The following GNG7 variants were observed in gnomAD, a reference collection of about 807,000 sequenced individuals.
GNG7 encodes G protein subunit gamma 7.
A neutral mutation model predicts 4.0 loss-of-function variants in GNG7; 1 was observed. The ratio of observed to expected loss-of-function variants is 0.25; its 90% CI spans 0.09 to 1.18. GNG7 has a LOEUF of 1.18. Ranked by LOEUF, GNG7 falls within the 50% of genes most tolerant of loss-of-function variation. The pLI, the probability that GNG7 is intolerant of heterozygous loss-of-function variation, is 0.50. For missense variants in GNG7, 86 were observed against 91.9 expected (o/e 0.94, Z 0.26); for synonymous variants, 34 against 36.9 (o/e 0.92, Z 0.29).
chr19:2,675,492 T>C (rs1235780421), intron 1 of GNG7, among the ~76,000 whole-genome samples: 2 of 152,038 alleles, frequency 1.3e-5, no homozygotes, highest in Non-Finnish European at 2.9e-5. Flanking sequence ...GGGAGCGTTA[T>C]TTAGCAAACC....
intron 3 of GNG7, 82 bp from the exon 4 acceptor site, chr19:2,520,807 C>A (rs1031812673): frequency 1.9e-5 from 12 of 643,524 alleles, no homozygotes; most frequent in African/African-American, 1.8e-4. Context: ...CTTGGCTCAA[C>A]CTTCCCGACT....
intron 3 of GNG7, among the ~76,000 whole-genome samples, chr19:2,540,302 C>G (rs1415845703): frequency 2.6e-5 from 4 of 151,894 alleles, no homozygotes; most frequent in Non-Finnish European, 4.4e-5. Context: ...AGGCACACAC[C>G]ACCATGCCCC....
In GNG7 at chr19:2,617,758, G is replaced by A. The variant is rs143803683; in HGVS notation, c.-78+28466C>T. Among the ~76,000 whole-genome samples the A allele has an allele frequency of 4.0e-3, 584 of 146,262 alleles. 1 individual carries two copies. The highest frequency in any genetic ancestry group is 6.9e-3 in the Middle Eastern group (2 of 288). Reference sequence around the variant, plus strand: ...TTTTGAGATAGGGTCTTGCTCTGTTGCCCAGGCTGGAGTGCAGTGGTGCAG... The same window carrying A: ...TTTTGAGATAGGGTCTTGCTCTGTTACCCAGGCTGGAGTGCAGTGGTGCAG... On this transcript the variant is annotated intron_variant, in intron 2 of 4. Coordinates refer to ENST00000382159, the MANE Select transcript of GNG7 (RefSeq NM_052847.3). The surrounding 1 kb of genome is among the most constrained non-coding windows in gnomAD (Gnocchi z 4.7).
Position 2,629,072 on chromosome 19 carries a change from G to A in GNG7, c.-78+17152C>T, listed in dbSNP as rs1386274251. 3.3e-5 allele frequency among the ~76,000 whole-genome samples: 5 copies of A among 152,168 alleles called. No individual in the cohort carries two copies. The East Asian group carries it at 7.7e-4, about 23-fold the overall frequency. On this transcript the variant is annotated intron_variant, in intron 2 of 4. Coordinates refer to ENST00000382159, the MANE Select transcript of GNG7 (RefSeq NM_052847.3). Reference sequence around the variant, plus strand: ...ATTGCTGCTGTAGGTGCCATTAGTAGGAAACACACACAAAGTGGCCCCCAA... The same window carrying A: ...ATTGCTGCTGTAGGTGCCATTAGTAAGAAACACACACAAAGTGGCCCCCAA...
intron 3 of GNG7, among the ~76,000 whole-genome samples, chr19:2,541,739 CAA>C (rs60594527): frequency 0.16 from 21,839 of 135,342 alleles, 1,741 homozygotes; most frequent in East Asian, 0.31. Flanking sequence ...AAGACTCCAT[CAA>C]AAAAAAAAAA....
intron 1 of GNG7, among the ~76,000 whole-genome samples, chr19:2,700,496 G>A (rs969693389): frequency 6.6e-6 from 1 of 152,012 alleles, no homozygotes; most frequent in African/African-American, 2.4e-5. Flanking sequence ...TGCTCCTAAG[G>A]TTGCAGGACT....
chr19:2,595,762 A>G (rs924908254), intron 2 of GNG7, among the ~76,000 whole-genome samples: 3 of 151,936 alleles, frequency 2.0e-5, no homozygotes, highest in Non-Finnish European at 4.4e-5. Context: ...AATTAAATTT[A>G]AAAAGGTAAA....
chr19:2,595,767 G>C (rs1346859242), intron 2 of GNG7, among the ~76,000 whole-genome samples: 2 of 151,616 alleles, frequency 1.3e-5, no homozygotes, highest in Non-Finnish European at 2.9e-5. Flanking sequence ...AATTTAAAAA[G>C]GTAAAAAGCA....
At chr19:2,591,203 C>T (rs532945815) in intron 2 of GNG7, among the ~76,000 whole-genome samples, 53 of 152,214 alleles carry the variant, frequency 3.5e-4, no homozygotes, top group Admixed American at 5.2e-4. Flanking sequence ...AGCCGTTCCA[C>T]GCTGGAAGGC....
chr19:2,562,741 C>T lies in GNG7; in HGVS notation c.-77-7553G>A, dbSNP rs1014801387. Among the ~76,000 whole-genome samples, 4 of 152,140 alleles carry T rather than the reference C, an allele frequency of 2.6e-5. No individual in the cohort carries two copies. In the East Asian group the frequency reaches 5.8e-4, roughly 22 times the overall value. Reference sequence around the variant, plus strand: ...CTGGAATCTTAGGGGATTCCACAGACCCCCAAGAGACTCTGCGTCCATAAT... The same window carrying T: ...CTGGAATCTTAGGGGATTCCACAGATCCCCAAGAGACTCTGCGTCCATAAT... On this transcript the variant is annotated intron_variant, in intron 2 of 4. Coordinates refer to ENST00000382159, the MANE Select transcript of GNG7 (RefSeq NM_052847.3).
At chr19:2,536,945 T>A (rs1167362965) in intron 3 of GNG7, among the ~76,000 whole-genome samples, 1 of 149,590 alleles carries the variant, frequency 6.7e-6, no homozygotes, top group East Asian at 1.9e-4. Context: ...TTTTTATTTT[T>A]ATTTTTATTT....
intron 3 of GNG7, among the ~76,000 whole-genome samples, chr19:2,536,820 G>C (rs956766240): frequency 6.6e-6 from 1 of 152,278 alleles, no homozygotes; most frequent in African/African-American, 2.4e-5. Context: ...GGCCACCCTG[G>C]GTTCTCGGGA....
intron 3 of GNG7, among the ~76,000 whole-genome samples, chr19:2,552,549 T>A (rs1442303775): frequency 1.3e-5 from 2 of 151,826 alleles, no homozygotes; most frequent in African/African-American, 4.8e-5. Flanking sequence ...CACGCCTGGC[T>A]AATTTTTGTA....
rs574864908 is a variant in GNG7, at chr19:2,670,882, C to T, written c.-134-24602G>A. Among the ~76,000 whole-genome samples, 66 of 152,216 alleles carry T rather than the reference C, an allele frequency of 4.3e-4. 3 individuals are homozygous for T. Among genetic ancestry groups the T allele is most frequent in the Middle Eastern group, 3.4e-3 (1 of 294 alleles). The stretch of plus-strand genomic sequence containing the variant: ...AAGGACCACCCCTCCCACAAAGAGA[C>T]GGCGTCCCATGATCCTCTGCCCTGC... On this transcript the variant is annotated intron_variant, in intron 1 of 4. Coordinates refer to ENST00000382159, the MANE Select transcript of GNG7 (RefSeq NM_052847.3).
chr19:2,568,872 A>C (rs1471155021), intron 2 of GNG7, among the ~76,000 whole-genome samples: 2 of 152,142 alleles, frequency 1.3e-5, no homozygotes, highest in African/African-American at 4.8e-5. Context: ...ACACAAGTAC[A>C]CACACATACT....
intron 2 of GNG7, among the ~76,000 whole-genome samples, chr19:2,592,973 AG>A (rs1181776998): frequency 7.5e-6 from 1 of 133,564 alleles, no homozygotes; most frequent in East Asian, 2.5e-4. Flanking sequence ...AAAGGGAGGG[AG>A]GGAGAGAGGG....
intron 2 of GNG7, among the ~76,000 whole-genome samples, chr19:2,582,301 CTG>C (rs1343762040): frequency 2.0e-5 from 3 of 152,124 alleles, no homozygotes; most frequent in Non-Finnish European, 4.4e-5. Context: ...AGGGAACACT[CTG>C]TACTATTTTT....
chr19:2,576,392 G>C (rs1015494093), intron 2 of GNG7, among the ~76,000 whole-genome samples: 1 of 152,200 alleles, frequency 6.6e-6, no homozygotes, highest in African/African-American at 2.4e-5. Context: ...AGAGTTCACC[G>C]TGGTCCCTGG....
At chr19:2,698,525 T>C (rs1913326190) in intron 1 of GNG7, among the ~76,000 whole-genome samples, 1 of 151,584 alleles carries the variant, frequency 6.6e-6, no homozygotes, top group African/African-American at 2.4e-5. Flanking sequence ...GATTGCACCA[T>C]TGCACTCCAG....
Sources: allele counts gnomAD v4.1 joint callset (sites outside exome capture counted in the v4.1 genomes callset), GRCh38; gene constraint gnomAD v4.1.1; non-coding constraint Gnocchi (gnomAD v3.1); transcripts MANE v1.5; gene names NCBI Gene and HGNC (gene_info 2026-07-23, HGNC 2026-07-21).